The following GREB1L variants were observed in gnomAD, a reference collection of about 807,000 sequenced individuals.
GREB1L encodes GREB1-like protein.
In GREB1L, 17 loss-of-function variants were observed where a neutral mutation model predicts 200.8. The ratio of observed to expected loss-of-function variants is 0.08; its 90% CI spans 0.06 to 0.13. The LOEUF is 0.13. Ranked by LOEUF, GREB1L falls within the 10% of genes least tolerant of loss-of-function variation. The pLI, the probability that GREB1L is intolerant of heterozygous loss-of-function variation, is 1.00. For synonymous variants in GREB1L, 789 were observed against 893.0 expected, an observed-to-expected ratio of 0.88 and a Z score of 2.08; for missense variants, 1,657 against 2,367.7, an observed-to-expected ratio of 0.70 and a Z score of 6.23.
chr18:21,322,928 TTCTTAA>T (rs1048659225), intron 1 of GREB1L, among the ~76,000 whole-genome samples: 7 of 152,346 alleles, frequency 4.6e-5, no homozygotes, highest in South Asian at 4.1e-4. Flanking sequence ...GATTTTTTTT[TTCTTAA>T]TCTTAGGACT....
At chr18:21,282,904 A>G (rs1204225622) in intron 1 of GREB1L, among the ~76,000 whole-genome samples, 1 of 152,156 alleles carries the variant, frequency 6.6e-6, no homozygotes, top group Admixed American at 6.5e-5. Flanking sequence ...AGCCTTTGCC[A>G]TTACTTTTAA....
rs1339511405 is a variant in GREB1L at position 21,242,392 on chromosome 18, A to G, written c.-121A>G. On this transcript the variant is annotated splice_region_variant and 5_prime_UTR_variant, in exon 1 of 33. Transcript: ENST00000424526. ...TCTGCCCTCGCGCCCCGCTAGGGCCAGGTGAGCGGCCGCGGGGACTCCGGG... is the reference window on the plus strand; with the variant it reads ...TCTGCCCTCGCGCCCCGCTAGGGCCGGGTGAGCGGCCGCGGGGACTCCGGG... 6.6e-6 allele frequency: 1 copy of G among 151,870 alleles called. No homozygotes were observed. Among genetic ancestry groups the G allele is most frequent in the African/African-American group, 2.4e-5 (1 of 41,296 alleles). The allele number at this position is 151,870 out of a possible 1,614,324, so 9.4% of individuals were successfully genotyped here.
At chr18:21,520,611 A>C in intron 31 of GREB1L, 77 bp from the exon 32 acceptor site, 1 of 1,433,720 alleles carries the variant, frequency 7.0e-7, no homozygotes, top group South Asian at 1.2e-5. Context: ...AAAGGAAGGT[A>C]CTGAGTCATT....
At chr18:21,384,548 T>C in intron 4 of GREB1L, 145 bp downstream of exon 4, 1 of 666,958 alleles carries the variant, frequency 1.5e-6, no homozygotes, top group Non-Finnish European at 2.5e-6. Context: ...CTCATTCACA[T>C]TATCTCCTGT....
intron 15 of GREB1L, among the ~76,000 whole-genome samples, chr18:21,456,346 C>T (rs2034763928): frequency 6.6e-6 from 1 of 152,136 alleles, no homozygotes; most frequent in South Asian, 2.1e-4. Flanking sequence ...TTGTTTGTAA[C>T]ACAAAGGATA....
intron 1 of GREB1L, among the ~76,000 whole-genome samples, chr18:21,261,876 T>C (rs1457848036): frequency 6.6e-6 from 1 of 152,112 alleles, no homozygotes; most frequent in African/African-American, 2.4e-5. Flanking sequence ...AATTTTTTAT[T>C]TTCTAAATAC....
intron 32 of GREB1L, among the ~76,000 whole-genome samples, chr18:21,522,170 T>G (rs2037614532): frequency 6.6e-6 from 1 of 151,510 alleles, no homozygotes; most frequent in African/African-American, 2.4e-5. Flanking sequence ...TACTTTATAC[T>G]CTTAAAAATT....
intron 1 of GREB1L, among the ~76,000 whole-genome samples, chr18:21,305,625 A>G (rs181698467): frequency 2.7e-4 from 41 of 152,206 alleles, no homozygotes; most frequent in South Asian, 1.2e-3. Context: ...CCTGCAGTCT[A>G]TTCTTCATGC....
intron 19 of GREB1L, among the ~76,000 whole-genome samples, chr18:21,494,829 AC>A (rs775597621): frequency 3.9e-5 from 6 of 152,318 alleles, no homozygotes; most frequent in Non-Finnish European, 8.8e-5. Context: ...TCTAAAATAG[AC>A]ACATCTGTAA....
intron 27 of GREB1L, among the ~76,000 whole-genome samples, chr18:21,508,990 A>G (rs1195146674): frequency 2.0e-5 from 3 of 152,156 alleles, no homozygotes; most frequent in African/African-American, 7.2e-5. Flanking sequence ...AGGGGCCCCT[A>G]GGTCATCTCA....
chr18:21,432,696 C>CT (rs1403274438), intron 7 of GREB1L, among the ~76,000 whole-genome samples: 7 of 109,294 alleles, frequency 6.4e-5, no homozygotes, highest in African/African-American at 2.4e-4. Context: ...TTAACATTTT[C>CT]TTTTTTTTCT....
chr18:21,382,535 A>G (rs565879545), intron 2 of GREB1L, among the ~76,000 whole-genome samples: 2 of 145,166 alleles, frequency 1.4e-5, no homozygotes, highest in Non-Finnish European at 3.0e-5. Flanking sequence ...CTTGTCGCCC[A>G]GGCTGGAGTG....
rs552625761 is a variant in GREB1L at position 21,329,464 on chromosome 18, T to C, written c.-119-36563T>C. On this transcript the variant is annotated intron_variant, in intron 1 of 32. Coordinates refer to ENST00000424526, the MANE Select transcript of GREB1L (RefSeq NM_001142966.3). ...TGAGCACTGGTATTTTTTTTTCTCA[T>C]GAATGATTTAACTCCAAGGATAATT... Among the ~76,000 whole-genome samples the C allele has an allele frequency of 2.0e-5, 3 of 152,184 alleles. No individual in the cohort carries two copies. In the East Asian group the frequency reaches 5.8e-4, roughly 29 times the overall value.
chr18:21,491,961 G>A (rs766016767), intron 19 of GREB1L, among the ~76,000 whole-genome samples: 89 of 151,952 alleles, frequency 5.9e-4, no homozygotes, highest in Non-Finnish European at 9.6e-4. Flanking sequence ...GAATTCCTAG[G>A]ATGAATAACA....
intron 1 of GREB1L, among the ~76,000 whole-genome samples, chr18:21,251,150 C>T (rs2037696339): frequency 6.6e-6 from 1 of 152,020 alleles, no homozygotes; most frequent in Admixed American, 6.5e-5. Flanking sequence ...GAGGCTCTAT[C>T]TCTAAAAACA....
chr18:21,262,692 A>G (rs762303444), intron 1 of GREB1L, among the ~76,000 whole-genome samples: 2 of 152,168 alleles, frequency 1.3e-5, no homozygotes, highest in Non-Finnish European at 2.9e-5. Flanking sequence ...TTGTAATTGT[A>G]CAAAGTGTTT....
At chr18:21,259,454 A>G (rs1248000066) in intron 1 of GREB1L, among the ~76,000 whole-genome samples, 2 of 152,140 alleles carry the variant, frequency 1.3e-5, no homozygotes, top group Non-Finnish European at 2.9e-5. Flanking sequence ...AGAGAGGAAA[A>G]TGAAGAGCTG....
intron 1 of GREB1L, among the ~76,000 whole-genome samples, chr18:21,312,241 G>A (rs2038803127): frequency 1.3e-5 from 2 of 152,126 alleles, no homozygotes; most frequent in Admixed American, 6.6e-5. Context: ...GGGCATTTAG[G>A]TTGAGTCCAT....
intron 1 of GREB1L, among the ~76,000 whole-genome samples, chr18:21,262,453 AAATTTTTTATAAGATTAC>A (rs2037904235): frequency 6.6e-6 from 1 of 152,136 alleles, no homozygotes; most frequent in African/African-American, 2.4e-5. Flanking sequence ...ATACTTTATA[AAATTTTTTATAAGATTAC>A]GTGCTTAGAG....
Sources: gnomAD v4.1 joint callset for allele counts (sites outside exome capture counted in the v4.1 genomes callset) on GRCh38, gnomAD v4.1.1 for gene constraint, MANE v1.5 for transcripts, NCBI Gene and HGNC (gene_info 2026-07-23, HGNC 2026-07-21) for gene names.